AKAP6: variants seen among roughly 807,000 people sequenced by gnomAD.
AKAP6 encodes the protein A-kinase anchoring protein 6, also known as A-kinase anchor protein 6.
AKAP6 carries 58 observed loss-of-function variants against 188.5 expected under a neutral mutation model. The observed-to-expected ratio is 0.31, with a 90% CI of 0.25 to 0.38. AKAP6 has a LOEUF of 0.38. Among genes scored for constraint, AKAP6 ranks in the 10% least tolerant of loss-of-function variants. The probability of loss-of-function intolerance (pLI) is 1.00; values close to 1 mark genes in which losing one functional copy is unlikely to be tolerated. For synonymous variants in AKAP6, 989 were observed against 998.6 expected, an observed-to-expected ratio of 0.99 and a Z score of 0.18; for missense variants, 2,710 against 2,740.0, an observed-to-expected ratio of 0.99 and a Z score of 0.24.
At chr14:32,409,185 G>A (rs1298320900) in intron 1 of AKAP6, among the ~76,000 whole-genome samples, 1 of 152,138 alleles carries the variant, frequency 6.6e-6, no homozygotes, top group South Asian at 2.1e-4. Context: ...GGGCCACAGA[G>A]CAAGACTCCG....
At chr14:32,415,871 C>A in intron 1 of AKAP6, among the ~76,000 whole-genome samples, 1 of 152,220 alleles carries the variant, frequency 6.6e-6, no homozygotes, top group East Asian at 1.9e-4. Context: ...GATTTTCCTT[C>A]CTTTTTAAGG....
intron 1 of AKAP6, among the ~76,000 whole-genome samples, chr14:32,410,150 C>CCTA (rs1052066311): frequency 6.6e-6 from 1 of 151,142 alleles, no homozygotes; most frequent in Non-Finnish European, 1.5e-5. Context: ...CCCTTCCCCT[C>CCTA]CTTTTTTTTT....
chr14:32,581,601 G>C lies in AKAP6; in HGVS notation c.2469+4359G>C, dbSNP rs1292703624. 2.0e-5 allele frequency among the ~76,000 whole-genome samples: 3 copies of C among 152,108 alleles called. No homozygotes were observed. In the East Asian group the frequency reaches 5.8e-4, roughly 29 times the overall value. On this transcript the variant is annotated intron_variant, in intron 5 of 13. Transcript: ENST00000280979. ...CTAATGTTGACAGTGGGTTGTTAAA[G>C]TCTCCCATTATTATTGTGTGGGAAT...
intron 7 of AKAP6, among the ~76,000 whole-genome samples, chr14:32,651,485 T>G (rs1039171501): frequency 7.2e-5 from 11 of 152,172 alleles, no homozygotes; most frequent in African/African-American, 2.7e-4. Flanking sequence ...GAAGTTTATT[T>G]TCTCACAGTC....
chr14:32,427,814 G>A (rs947320791), intron 1 of AKAP6, among the ~76,000 whole-genome samples: 2 of 152,254 alleles, frequency 1.3e-5, no homozygotes, highest in East Asian at 1.9e-4. Flanking sequence ...GAAATGAAGT[G>A]GGAGAAAAAG....
intron 2 of AKAP6, among the ~76,000 whole-genome samples, chr14:32,509,861 C>A (rs1263262434): frequency 1.3e-5 from 2 of 152,118 alleles, no homozygotes; most frequent in African/African-American, 2.4e-5. Context: ...GTCATTCCAA[C>A]CTTGGTGTCT....
rs1313316117 is a variant in AKAP6, at chr14:32,523,673, C to T, written c.325-11881C>T. On this transcript the variant is annotated intron_variant, in intron 2 of 13. Coordinates refer to ENST00000280979, the MANE Select transcript of AKAP6 (RefSeq NM_004274.5). ...TTGTAGAGATGGGGTCTCACTTTGT[C>T]GCCCAGACTGGTCTCGAGCTCCTGA... is the stretch of plus-strand genomic sequence containing the variant. Among the ~76,000 whole-genome samples, 10 of 151,704 alleles carry T rather than the reference C, an allele frequency of 6.6e-5. No homozygotes were observed. The East Asian group carries it at 7.8e-4, about 12-fold the overall frequency.
At chr14:32,724,082 T>C (rs1179663992) in intron 9 of AKAP6, among the ~76,000 whole-genome samples, 44 of 152,296 alleles carry the variant, frequency 2.9e-4, no homozygotes, top group Non-Finnish European at 1.5e-4. Flanking sequence ...CTTCTTCTTT[T>C]TTTTTCCTTA....
At chr14:32,809,139 A>G (rs541814719) in intron 12 of AKAP6, among the ~76,000 whole-genome samples, 1 of 152,332 alleles carries the variant, frequency 6.6e-6, no homozygotes, top group South Asian at 2.1e-4. Context: ...GAGGACATAA[A>G]GCTGAGAAAG....
intron 1 of AKAP6, among the ~76,000 whole-genome samples, chr14:32,420,254 C>T (rs563749508): frequency 6.6e-6 from 1 of 152,128 alleles, no homozygotes; most frequent in East Asian, 1.9e-4. Context: ...ATGGCTACTC[C>T]CTGAGTATTT....
intron 8 of AKAP6, among the ~76,000 whole-genome samples, chr14:32,690,968 T>C (rs1465988404): frequency 1.3e-5 from 2 of 152,208 alleles, no homozygotes; most frequent in Admixed American, 1.3e-4. Flanking sequence ...AACACTTTCA[T>C]AGAAAATGTA....
intron 13 of AKAP6, among the ~76,000 whole-genome samples, chr14:32,826,401 G>A (rs1246517758): frequency 6.6e-6 from 1 of 152,208 alleles, no homozygotes; most frequent in Non-Finnish European, 1.5e-5. Flanking sequence ...CATTAAGGGA[G>A]AGTAACTGCA....
chr14:32,454,719 CTCT>C (rs1474185260), intron 2 of AKAP6, among the ~76,000 whole-genome samples: 26 of 31,568 alleles, frequency 8.2e-4, no homozygotes, highest in African/African-American at 2.0e-3. Flanking sequence ...TTCCCTCCTT[CTCT>C]CCTTCCCTCC....
chr14:32,594,492 G>T (rs950077164), intron 5 of AKAP6, among the ~76,000 whole-genome samples: 2 of 152,094 alleles, frequency 1.3e-5, no homozygotes, highest in Non-Finnish European at 2.9e-5. Flanking sequence ...GAAATCTTCC[G>T]ATTCTTGGTA....
intron 9 of AKAP6, among the ~76,000 whole-genome samples, chr14:32,705,584 A>G (rs1275479918): frequency 6.6e-6 from 1 of 152,142 alleles, no homozygotes; most frequent in African/African-American, 2.4e-5. Flanking sequence ...TTTAATGCTC[A>G]CAGGGATCTT....
intron 5 of AKAP6, among the ~76,000 whole-genome samples, chr14:32,578,877 C>G (rs1884845192): frequency 1.3e-5 from 2 of 152,056 alleles, no homozygotes; most frequent in Non-Finnish European, 2.9e-5. Context: ...TGAGCACTCT[C>G]TTTTTCAAAT....
intron 1 of AKAP6, among the ~76,000 whole-genome samples, chr14:32,414,125 A>G (rs988253525): frequency 6.6e-6 from 1 of 152,074 alleles, no homozygotes; most frequent in African/African-American, 2.4e-5. Flanking sequence ...AAGCCTGGCC[A>G]TGAAGTGGGG....
intron 1 of AKAP6, among the ~76,000 whole-genome samples, chr14:32,353,476 G>A (rs990214113): frequency 1.3e-5 from 2 of 152,158 alleles, no homozygotes; most frequent in African/African-American, 4.8e-5. Flanking sequence ...CAGGAGAATG[G>A]CGTCAACCCG....
intron 7 of AKAP6, among the ~76,000 whole-genome samples, chr14:32,674,217 G>A (rs1259722054): frequency 1.3e-5 from 2 of 152,154 alleles, no homozygotes; most frequent in Non-Finnish European, 2.9e-5. Flanking sequence ...GAGGGAGACT[G>A]GTAGGAAACG....
Sources: gnomAD v4.1 joint callset for allele counts (sites outside exome capture counted in the v4.1 genomes callset) on GRCh38, gnomAD v4.1.1 for gene constraint, MANE v1.5 for transcripts, NCBI Gene and HGNC (gene_info 2026-07-23, HGNC 2026-07-21) for gene names.